Variants in ZBTB7B observed in about 807,000 individuals in gnomAD.
The protein encoded by ZBTB7B is zinc finger and BTB domain-containing protein 7B.
ZBTB7B carries 8 observed loss-of-function variants against 31.0 expected under a neutral mutation model. That is an observed-to-expected ratio of 0.26 (90% CI 0.15 to 0.47). The LOEUF is 0.47. Among genes scored for constraint, ZBTB7B ranks in the 20% least tolerant of loss-of-function variants. ZBTB7B has a pLI of 0.99. For synonymous variants in ZBTB7B, 261 were observed against 307.3 expected, an observed-to-expected ratio of 0.85 and a Z score of 1.58; for missense variants, 494 against 742.4, an observed-to-expected ratio of 0.67 and a Z score of 3.89.
chr1:155,016,274 A>G lies in ZBTB7B; in HGVS notation c.1209A>G (p.Ser403=), dbSNP rs1659401530. 2 of 1,613,954 alleles carry G rather than the reference A, an allele frequency of 1.2e-6. No individual in the cohort carries two copies. Among genetic ancestry groups the G allele is most frequent in the Admixed American group, 1.7e-5 (1 of 60,008 alleles). ...AGCACACGGGAGAGCGCCCCTACTC[A>G]TGCCCGCACTGCCCAGCCCGCTTCC... ...MRKHTGERPY[S]CPHCPARFLH... The change falls in exon 3 of 3, where the codon TCA becomes TCG. Residue 403 remains serine (S), a synonymous_variant. Transcript: ENST00000535420. This position sits in a 1 kb window ranked among gnomAD's most constrained non-coding sequence, Gnocchi z 4.3.
rs757154964 is a variant in ZBTB7B, at chr1:155,011,038, AG to A, written c.-6-3610del. The A allele has an allele frequency of 3.6e-5, 55 of 1,519,914 alleles. No homozygotes were observed. In the South Asian group the frequency reaches 5.6e-4, roughly 16 times the overall value. 94.2% of individuals were successfully genotyped at this position (1,519,914 alleles called of 1,614,324 possible). ...GAGGTAGGGGCCTTGGAACCTGGGG[AG>A]GGGGGGCTCTGCGTGCCTGTGTCCC... is the stretch of plus-strand genomic sequence containing the variant. On this transcript the variant is annotated intron_variant, in intron 1 of 2. Coordinates refer to ENST00000535420, the MANE Select transcript of ZBTB7B (RefSeq NM_001256455.2).
intron 1 of ZBTB7B, among the ~76,000 whole-genome samples, chr1:155,013,792 C>G (rs948711862): frequency 1.3e-5 from 2 of 151,678 alleles, no homozygotes; most frequent in Non-Finnish European, 2.9e-5. Flanking sequence ...CAGGAAGCAC[C>G]CGCGCCAGCC....
At chr1:155,013,148 T>C (rs1239798326) in intron 1 of ZBTB7B, among the ~76,000 whole-genome samples, 3 of 152,196 alleles carry the variant, frequency 2.0e-5, no homozygotes, top group Non-Finnish European at 4.4e-5. Context: ...ATATCAGGCA[T>C]TGTGCCATAT....
chr1:155,007,891 C>T (rs1658661424), intron 1 of ZBTB7B, among the ~76,000 whole-genome samples: 1 of 152,092 alleles, frequency 6.6e-6, no homozygotes, highest in Admixed American at 6.5e-5. Context: ...TATGGTACCC[C>T]CAAGCCTAGC....
chr1:155,008,374 G>A (rs867172980), intron 1 of ZBTB7B, among the ~76,000 whole-genome samples: 104 of 152,212 alleles, frequency 6.8e-4, no homozygotes, highest in African/African-American at 2.3e-3. Flanking sequence ...AGGGTAGGGA[G>A]AATTCGGCCA....
rs751506118 is a variant in ZBTB7B, at chr1:155,016,454, C to A, written c.1389C>A (p.Arg463=). Residue 463 remains arginine (R), a synonymous_variant, in exon 3 of 3, where the codon CGC becomes CGA. Transcript: ENST00000535420. This position sits in a 1 kb window ranked among gnomAD's most constrained non-coding sequence, Gnocchi z 4.3. ...TGGAGGTGCGCACCCGACGGCGCCG[C>A]AAGGACGATGCACCACCCCACTACC... The part of the protein sequence containing the change: ...NCLEVRTRRR[R]KDDAPPHYPP... The A allele has an allele frequency of 2.5e-6, 4 of 1,614,076 alleles. No individual in the cohort carries two copies. The highest frequency in any genetic ancestry group is 3.4e-6 in the Non-Finnish European group (4 of 1,179,976).
intron 1 of ZBTB7B, chr1:155,010,849 A>AG: frequency 3.1e-6 from 4 of 1,287,038 alleles, no homozygotes; most frequent in East Asian, 2.5e-5. Flanking sequence ...AGTAAGGGGG[A>AG]GGGGTGGCCA....
At chr1:155,013,313 C>G (rs1264854750) in intron 1 of ZBTB7B, among the ~76,000 whole-genome samples, 1 of 152,216 alleles carries the variant, frequency 6.6e-6, no homozygotes, top group African/African-American at 2.4e-5. Context: ...CTGGCTGACT[C>G]CAGAGCCCAG....
chr1:155,015,166 C>T lies in ZBTB7B; in HGVS notation c.506C>T (p.Ala169Val). 1 of 1,613,768 alleles carries T rather than the reference C, an allele frequency of 6.2e-7. No individual in the cohort carries two copies. Among genetic ancestry groups the T allele is most frequent in the African/African-American group, 1.3e-5 (1 of 75,044 alleles). The change falls in exon 2 of 3, where the codon GCC (alanine) becomes GTC (valine). Residue 169 changes from alanine (A) to valine (V), a missense_variant. Around this residue, in one of 5 missense-constraint regions of ZBTB7B, gnomAD observed 216 missense variants for 229.3 expected, o/e 0.94. Transcript: ENST00000535420. ...CAGTATCTGGAGGCCTTTGCCACAG[C>T]CACGGCCTCTGGAGTTCCCAATGGT... ...ARQYLEAFAT[A>V]TASGVPNGED...
intron 1 of ZBTB7B, among the ~76,000 whole-genome samples, chr1:155,009,358 A>ACCCAGC (rs937995298): frequency 2.0e-5 from 3 of 147,240 alleles, no homozygotes; most frequent in Non-Finnish European, 4.5e-5. Context: ...CAGCTCGGTT[A>ACCCAGC]CCCAGCCGGA....
intron 1 of ZBTB7B, among the ~76,000 whole-genome samples, chr1:155,010,648 G>A (rs987663419): frequency 1.3e-5 from 2 of 152,176 alleles, no homozygotes; most frequent in African/African-American, 4.8e-5. Flanking sequence ...GCCCTGGGAA[G>A]CGGTGGGGGA....
intron 1 of ZBTB7B, among the ~76,000 whole-genome samples, chr1:155,012,364 T>G (rs556120852): frequency 6.6e-6 from 1 of 152,044 alleles, no homozygotes; most frequent in Non-Finnish European, 1.5e-5. Context: ...CCCATCCCCC[T>G]TAGGAGGGAC....
At chr1:155,005,771 CT>C (rs1320888911) in intron 1 of ZBTB7B, among the ~76,000 whole-genome samples, 2 of 152,222 alleles carry the variant, frequency 1.3e-5, no homozygotes, top group South Asian at 4.1e-4. Context: ...GCCCTGGCCT[CT>C]TCCCCCTCCT....
At chr1:155,008,529 C>G (rs1658709643) in intron 1 of ZBTB7B, among the ~76,000 whole-genome samples, 1 of 152,154 alleles carries the variant, frequency 6.6e-6, no homozygotes, top group South Asian at 2.1e-4. Flanking sequence ...CTTCTAGCCA[C>G]AGCTGCCTCC....
In ZBTB7B at chr1:155,003,374, C is replaced by T. The variant is rs1307936660; in HGVS notation, c.-7+431C>T. 2.0e-5 allele frequency among the ~76,000 whole-genome samples: 3 copies of T among 152,062 alleles called. No individual in the cohort carries two copies. The highest frequency in any genetic ancestry group is 1.3e-4 in the Admixed American group (2 of 15,284). ...CAACGCGCACCCCCCCCCCACCCCG[C>T]GCCCCCTGGCGCGGTGGATTGGCCC... On this transcript the variant is annotated intron_variant, in intron 1 of 2. Coordinates refer to ENST00000535420, the MANE Select transcript of ZBTB7B (RefSeq NM_001256455.2). This position sits in a 1 kb window ranked among gnomAD's most constrained non-coding sequence, Gnocchi z 5.8.
At chr1:155,001,948 A>AC (rs1282114467), upstream of ZBTB7B, among the ~76,000 whole-genome samples, 1 of 128,964 alleles carries the variant, frequency 7.8e-6, no homozygotes, top group Non-Finnish European at 1.6e-5. This position sits in a 1 kb window ranked among gnomAD's most constrained non-coding sequence, Gnocchi z 4.8. Flanking sequence ...CCCTCACGGG[A>AC]CCCCCTCCCT....
At chr1:155,010,857 C>T (rs1658919094) in intron 1 of ZBTB7B, 44 of 1,433,760 alleles carry the variant, frequency 3.1e-5, no homozygotes, top group Non-Finnish European at 4.2e-5. Flanking sequence ...GGAGGGGTGG[C>T]CAGCCAAGGC....
chr1:155,007,797 G>C (rs1343987911), intron 1 of ZBTB7B, among the ~76,000 whole-genome samples: 2 of 152,138 alleles, frequency 1.3e-5, no homozygotes, highest in African/African-American at 4.8e-5. Context: ...AACCGGGCCG[G>C]GAGCTGGTGA....
In ZBTB7B at chr1:155,016,155, T is replaced by A; in HGVS notation, c.1155-65T>A. On this transcript the variant is annotated intron_variant, in intron 2 of 2. Transcript: ENST00000535420. This position sits in a 1 kb window ranked among gnomAD's most constrained non-coding sequence, Gnocchi z 4.3. The stretch of plus-strand genomic sequence containing the variant: ...GGGATGGGACAAGGCCAGGGTGGGA[T>A]GACCAGGAGGAGCCAGGGATCCCAT... 1 of 1,535,268 alleles carries A rather than the reference T, an allele frequency of 6.5e-7. No homozygotes were observed. The highest frequency in any genetic ancestry group is 8.9e-7 in the Non-Finnish European group (1 of 1,123,884).
Sources: allele counts gnomAD v4.1 joint callset (sites outside exome capture counted in the v4.1 genomes callset), GRCh38; gene constraint gnomAD v4.1.1; regional missense constraint gnomAD v4.1.1; non-coding constraint Gnocchi (gnomAD v3.1); transcripts MANE v1.5; gene names NCBI Gene and HGNC (gene_info 2026-07-23, HGNC 2026-07-21).